AKAP19: variants seen among roughly 807,000 people sequenced by gnomAD.
The protein encoded by AKAP19 is A-kinase anchoring protein 19, also known as small A-kinase anchoring protein.
At chr2:190,198,743 T>A in the AKAP19 span, among the ~76,000 whole-genome samples, 1 of 152,056 alleles carries the variant, frequency 6.6e-6, no homozygotes, top group Non-Finnish European at 1.5e-5. Flanking sequence ...TTAATCTCAT[T>A]CATAGAGATT....
chr2:190,029,482 A>C, the AKAP19 span, among the ~76,000 whole-genome samples: 2 of 152,220 alleles, frequency 1.3e-5, no homozygotes, highest in Non-Finnish European at 2.9e-5. Context: ...TAAATGATGT[A>C]GATCTATATT....
the AKAP19 span, among the ~76,000 whole-genome samples, chr2:190,155,641 A>G: frequency 2.6e-5 from 4 of 152,176 alleles, no homozygotes; most frequent in African/African-American, 9.7e-5. Flanking sequence ...GTGATTGTGC[A>G]GACAGGAGTC....
the AKAP19 span, among the ~76,000 whole-genome samples, chr2:190,133,815 G>A: frequency 6.6e-6 from 1 of 152,180 alleles, no homozygotes; most frequent in Non-Finnish European, 1.5e-5. Flanking sequence ...AGAGCAGAAT[G>A]GTGACTGACT....
the AKAP19 span, among the ~76,000 whole-genome samples, chr2:190,058,954 A>G: frequency 6.6e-6 from 1 of 151,778 alleles, no homozygotes; most frequent in South Asian, 2.1e-4. Flanking sequence ...GTAGCCAGAA[A>G]CCACTTGTAC....
chr2:190,113,412 G>A, the AKAP19 span, among the ~76,000 whole-genome samples: 1 of 152,126 alleles, frequency 6.6e-6, no homozygotes, highest in Non-Finnish European at 1.5e-5. Context: ...TTCTTTAACA[G>A]TATGATCAGT....
the AKAP19 span, among the ~76,000 whole-genome samples, chr2:190,046,201 G>T: frequency 6.6e-6 from 1 of 152,142 alleles, no homozygotes. Context: ...TCCCCTCCAG[G>T]AGAGTCATGC....
the AKAP19 span, chr2:189,923,638 A>G: frequency 1.2e-6 from 2 of 1,614,128 alleles, no homozygotes; most frequent in Non-Finnish European, 1.7e-6. Flanking sequence ...AACGATCTGC[A>G]GCGGAGATGT....
chr2:189,978,062 G>T, the AKAP19 span, among the ~76,000 whole-genome samples: 1 of 152,182 alleles, frequency 6.6e-6, no homozygotes, highest in African/African-American at 2.4e-5. Context: ...GCTAGGCTAA[G>T]CTATCCTATT....
chr2:189,995,370 C>T, the AKAP19 span, among the ~76,000 whole-genome samples: 4 of 152,058 alleles, frequency 2.6e-5, no homozygotes, highest in South Asian at 4.1e-4. Flanking sequence ...ATATAATGTT[C>T]CTCTTTGTCT....
At chr2:190,138,328 T>C in the AKAP19 span, among the ~76,000 whole-genome samples, 83 of 152,300 alleles carry the variant, frequency 5.4e-4, no homozygotes, top group Non-Finnish European at 1.1e-3. Context: ...AGATAGGCCA[T>C]ATTAGTGGAG....
At chr2:190,141,981 A>G in the AKAP19 span, among the ~76,000 whole-genome samples, 14 of 152,214 alleles carry the variant, frequency 9.2e-5, no homozygotes, top group Non-Finnish European at 1.9e-4. Flanking sequence ...GAAAGTCCTC[A>G]GGCATGTGCA....
chr2:189,912,130 G>A, the AKAP19 span, among the ~76,000 whole-genome samples: 1 of 151,840 alleles, frequency 6.6e-6, no homozygotes, highest in Non-Finnish European at 1.5e-5. Flanking sequence ...CATATAATAA[G>A]CCTTATTATT....
At chr2:189,883,394 C>T in the AKAP19 span, among the ~76,000 whole-genome samples, 2 of 152,088 alleles carry the variant, frequency 1.3e-5, no homozygotes, top group Non-Finnish European at 2.9e-5. Context: ...TAGAAGATCT[C>T]AACCTGACTA....
the AKAP19 span, among the ~76,000 whole-genome samples, chr2:190,013,338 A>G: frequency 2.0e-5 from 3 of 152,068 alleles, no homozygotes; most frequent in African/African-American, 7.2e-5. Flanking sequence ...CAGCCTTGGT[A>G]GGTTGTATGT....
the AKAP19 span, among the ~76,000 whole-genome samples, chr2:189,935,790 T>C: frequency 6.6e-6 from 1 of 152,146 alleles, no homozygotes; most frequent in Non-Finnish European, 1.5e-5. Context: ...TCTTTAACTT[T>C]TAATTTGTTG....
chr2:190,133,566 T>C, the AKAP19 span, among the ~76,000 whole-genome samples: 1 of 152,216 alleles, frequency 6.6e-6, no homozygotes, highest in African/African-American at 2.4e-5. Context: ...GTGGGATATC[T>C]GCACCCCTAT....
chr2:190,178,135 G>A, the AKAP19 span, among the ~76,000 whole-genome samples: 1 of 152,162 alleles, frequency 6.6e-6, no homozygotes, highest in African/African-American at 2.4e-5. The surrounding 1 kb of genome is among the most constrained non-coding windows in gnomAD (Gnocchi z 6.3). Context: ...CTCTATCCTT[G>A]TTCAAGCCCA....
At chr2:190,023,251 A>T in the AKAP19 span, among the ~76,000 whole-genome samples, 1 of 152,166 alleles carries the variant, frequency 6.6e-6, no homozygotes, top group African/African-American at 2.4e-5. Flanking sequence ...ATGTGTTTTT[A>T]TAAGTTAATC....
the AKAP19 span, among the ~76,000 whole-genome samples, chr2:190,129,060 C>T: frequency 6.6e-6 from 1 of 152,144 alleles, no homozygotes; most frequent in Non-Finnish European, 1.5e-5. Context: ...CTACAACTGG[C>T]ATATATTTCA....
Sources: allele counts gnomAD v4.1 joint callset (sites outside exome capture counted in the v4.1 genomes callset), GRCh38; gene constraint gnomAD v4.1.1; non-coding constraint Gnocchi (gnomAD v3.1); transcripts MANE v1.5; gene names NCBI Gene and HGNC (gene_info 2026-07-23, HGNC 2026-07-21).